Variants in SHISA5 observed in about 807,000 individuals in gnomAD.
The protein encoded by SHISA5 is protein shisa-5.
A neutral mutation model predicts 27.5 loss-of-function variants in SHISA5; 21 were observed. That is an observed-to-expected ratio of 0.76 (90% CI 0.54 to 1.10). SHISA5 has a LOEUF of 1.10. SHISA5 is among the 50% of genes least tolerant of loss of function. The pLI is 0.00. For synonymous variants in SHISA5, 137 were observed against 142.2 expected, an observed-to-expected ratio of 0.96 and a Z score of 0.26; for missense variants, 314 against 336.3, an observed-to-expected ratio of 0.93 and a Z score of 0.52.
chr3:48,487,313 T>C (rs996177921), intron 2 of SHISA5, among the ~76,000 whole-genome samples: 3 of 152,210 alleles, frequency 2.0e-5, no homozygotes, highest in Admixed American at 2.0e-4. Flanking sequence ...TTTTTTGTAA[T>C]AATGTTTTAT....
chr3:48,495,510 G>GT lies in SHISA5; in HGVS notation c.233+5626dup, dbSNP rs1160640091. On this transcript the variant is annotated intron_variant, in intron 2 of 5. Transcript: ENST00000296444. ...TGAGAGAATAGAAGAAGCACTCTGAGTTTTTTTTTCCACTTTTTTCGGGGG... is the reference window on the plus strand; with the variant it reads ...TGAGAGAATAGAAGAAGCACTCTGAGTTTTTTTTTTCCACTTTTTTCGGGGG... Among the ~76,000 whole-genome samples, 3 of 144,970 alleles carry GT rather than the reference G, an allele frequency of 2.1e-5. 1 individual carries two copies. Among genetic ancestry groups the GT allele is most frequent in the African/African-American group, 8.3e-5 (3 of 35,968 alleles).
intron 3 of SHISA5, among the ~76,000 whole-genome samples, chr3:48,478,813 C>A (rs1303679438): frequency 6.6e-6 from 1 of 152,082 alleles, no homozygotes; most frequent in East Asian, 1.9e-4. Context: ...TCACAATATA[C>A]CCGCCCCCAT....
At position 48,469,069 on chromosome 3, in the gene SHISA5, A is replaced by G. The variant is rs778313955; in HGVS notation, c.*38T>C. 6.2e-7 allele frequency: 1 copy of G among 1,611,732 alleles called. No individual in the cohort carries two copies. Among genetic ancestry groups the G allele is most frequent in the Admixed American group, 1.7e-5 (1 of 60,016 alleles). ...CTGCACACCACTCACGCACACACAC[A>G]ACATAACCAAGTGGCAGCCAGAGAG... is the stretch of plus-strand genomic sequence containing the variant. On this transcript the variant is annotated 3_prime_UTR_variant, in exon 6 of 6. Coordinates refer to ENST00000296444, the MANE Select transcript of SHISA5 (RefSeq NM_016479.6). This position sits in a 1 kb window ranked among gnomAD's most constrained non-coding sequence, Gnocchi z 4.6.
At chr3:48,495,945 G>A (rs1373597200) in intron 2 of SHISA5, among the ~76,000 whole-genome samples, 1 of 146,674 alleles carries the variant, frequency 6.8e-6, no homozygotes, top group Non-Finnish European at 1.5e-5. Flanking sequence ...GAGGTCAGGA[G>A]TTCAAGAGCA....
At chr3:48,485,842 T>C (rs2041202356) in intron 2 of SHISA5, among the ~76,000 whole-genome samples, 1 of 151,296 alleles carries the variant, frequency 6.6e-6, no homozygotes, top group Non-Finnish European at 1.5e-5. Flanking sequence ...GAAGGGCAGC[T>C]GAGAGGCTGA....
chr3:48,492,795 T>C lies in SHISA5; in HGVS notation c.233+8342A>G, dbSNP rs1255163810. On this transcript the variant is annotated intron_variant, in intron 2 of 5. Transcript: ENST00000296444. ...AAGGCATTAGAGGCATTCCCAGAAC[T>C]GGGGTTAATCAGAAGTCAACATGGG... Among the ~76,000 whole-genome samples the C allele has an allele frequency of 3.4e-5, 5 of 147,350 alleles. 1 individual carries two copies. The highest frequency in any genetic ancestry group is 3.3e-4 in the Admixed American group (5 of 15,062).
chr3:48,482,352 C>G (rs1405193135), intron 2 of SHISA5, among the ~76,000 whole-genome samples: 3 of 151,912 alleles, frequency 2.0e-5, no homozygotes, highest in African/African-American at 7.2e-5. Flanking sequence ...CTGCAGTGAG[C>G]TGTGATCACG....
chr3:48,502,613 G>T, intron 1 of SHISA5: 1 of 339,366 alleles, frequency 2.9e-6, no homozygotes, highest in Non-Finnish European at 5.9e-6. Context: ...CCAGGAAGAT[G>T]CTACAGTCAA....
Position 48,468,211 on chromosome 3 carries a change from A to T in SHISA5, c.*896T>A. 1.0e-6 allele frequency: 1 copy of T among 1,002,152 alleles called. No individual in the cohort carries two copies. The highest frequency in any genetic ancestry group is 1.2e-6 in the Non-Finnish European group (1 of 839,084). 62.1% of individuals were successfully genotyped at this position (1,002,152 alleles called of 1,614,324 possible). On this transcript the variant is annotated 3_prime_UTR_variant, in exon 6 of 6. Coordinates refer to ENST00000296444, the MANE Select transcript of SHISA5 (RefSeq NM_016479.6). ...TCCACAACCCAGGGGTTTCAGTCTC[A>T]TATCAACTATCATGTTTGAAACAGA... is the stretch of plus-strand genomic sequence containing the variant.
chr3:48,489,564 C>T (rs1405060841), intron 2 of SHISA5, among the ~76,000 whole-genome samples: 7 of 151,246 alleles, frequency 4.6e-5, no homozygotes, highest in Non-Finnish European at 8.8e-5. Flanking sequence ...CCTTGTGATC[C>T]GCCCGCCTCG....
chr3:48,490,164 CCT>C (rs1463403173), intron 2 of SHISA5, among the ~76,000 whole-genome samples: 1 of 152,184 alleles, frequency 6.6e-6, no homozygotes, highest in African/African-American at 2.4e-5. Flanking sequence ...ACCTCCACCT[CCT>C]GGGTTCAAGC....
intron 2 of SHISA5, among the ~76,000 whole-genome samples, chr3:48,498,739 G>T (rs545258655): frequency 6.8e-6 from 1 of 146,668 alleles, no homozygotes; most frequent in Non-Finnish European, 1.5e-5. Flanking sequence ...AGTAACAGTC[G>T]AAGAAAAATA....
intron 2 of SHISA5, among the ~76,000 whole-genome samples, chr3:48,491,604 T>A (rs1021330204): frequency 6.6e-6 from 1 of 152,144 alleles, no homozygotes; most frequent in Non-Finnish European, 1.5e-5. Flanking sequence ...GTTTGGCTTT[T>A]CGTTGACAGC....
rs555067714 is a variant in SHISA5, at chr3:48,498,203, T to C, written c.233+2934A>G. On this transcript the variant is annotated intron_variant, in intron 2 of 5. Transcript: ENST00000296444. ...TAGGTGTACTAGAAATGCAGAGAAC[T>C]TCCTCAACCTGATAAAGGACACCTA... 5.9e-5 allele frequency among the ~76,000 whole-genome samples: 9 copies of C among 152,254 alleles called. No homozygotes were observed. In the South Asian group the frequency reaches 1.0e-3, roughly 18 times the overall value.
Position 48,495,193 on chromosome 3 carries a change from G to A in SHISA5, c.233+5944C>T, listed in dbSNP as rs1293373297. Among the ~76,000 whole-genome samples, 5 of 146,792 alleles carry A rather than the reference G, an allele frequency of 3.4e-5. 2 individuals are homozygous for A. Among genetic ancestry groups the A allele is most frequent in the African/African-American group, 1.4e-4 (5 of 36,760 alleles). On this transcript the variant is annotated intron_variant, in intron 2 of 5. Coordinates refer to ENST00000296444, the MANE Select transcript of SHISA5 (RefSeq NM_016479.6). ...TGGAACCCTCACATATGGCTGGTGG[G>A]AGTACAAATGGCACATTTATAACAT...
At chr3:48,483,891 A>AT (rs1365013755) in intron 2 of SHISA5, among the ~76,000 whole-genome samples, 2 of 151,834 alleles carry the variant, frequency 1.3e-5, no homozygotes, top group East Asian at 3.9e-4. Flanking sequence ...AATTTTTTGA[A>AT]TTTTTTGTAG....
At chr3:48,501,865 T>C (rs1025005006) in intron 1 of SHISA5, among the ~76,000 whole-genome samples, 1 of 149,484 alleles carries the variant, frequency 6.7e-6, no homozygotes, top group Admixed American at 6.6e-5. Context: ...TCTTTCTTTT[T>C]TTTTTTTTTT....
rs1385587238 is a variant in SHISA5, at chr3:48,473,561, C to G, written c.315-3718G>C. The G allele has an allele frequency of 7.9e-7, 1 of 1,271,352 alleles. No homozygotes were observed. The highest frequency in any genetic ancestry group is 1.0e-6 in the Non-Finnish European group (1 of 978,560). 78.8% of individuals were successfully genotyped at this position (1,271,352 alleles called of 1,614,324 possible). On this transcript the variant is annotated intron_variant, in intron 3 of 5. Transcript: ENST00000296444. This position sits in a 1 kb window ranked among gnomAD's most constrained non-coding sequence, Gnocchi z 4.3. The stretch of plus-strand genomic sequence containing the variant: ...GCCTGTCCCTTTAGCTCCTCCTCTC[C>G]CACCAGCACTCTCTCCAATCTGTCT...
At chr3:48,483,584 G>A (rs971135761) in intron 2 of SHISA5, among the ~76,000 whole-genome samples, 1 of 152,182 alleles carries the variant, frequency 6.6e-6, no homozygotes, top group East Asian at 1.9e-4. Context: ...ACCTTGGCCC[G>A]TTCTCAATGA....
Sources: allele counts gnomAD v4.1 joint callset (sites outside exome capture counted in the v4.1 genomes callset), GRCh38; gene constraint gnomAD v4.1.1; non-coding constraint Gnocchi (gnomAD v3.1); transcripts MANE v1.5; gene names NCBI Gene and HGNC (gene_info 2026-07-23, HGNC 2026-07-21).